The following HDLBP variants were observed in gnomAD, a reference collection of about 807,000 sequenced individuals.
The protein encoded by HDLBP is vigilin.
In HDLBP, 30 loss-of-function variants were observed where a neutral mutation model predicts 137.3. The observed-to-expected ratio is 0.22, with a 90% CI of 0.16 to 0.30. The LOEUF (loss-of-function observed/expected upper bound fraction) is 0.30. Among genes scored for constraint, HDLBP ranks in the 10% least tolerant of loss-of-function variants. HDLBP has a pLI of 1.00. For missense variants in HDLBP, 1,119 were observed against 1,667.3 expected (o/e 0.67, Z 5.73); for synonymous variants, 606 against 596.0 (o/e 1.02, Z -0.24).
intron 1 of HDLBP, among the ~76,000 whole-genome samples, chr2:241,281,569 A>G (rs991034939): frequency 1.2e-4 from 18 of 152,150 alleles, no homozygotes; most frequent in African/African-American, 4.3e-4. Context: ...AAAAGAATAA[A>G]TTGATGGATT....
chr2:241,236,986 G>A (rs200421874), intron 20 of HDLBP, among the ~76,000 whole-genome samples: 48 of 150,478 alleles, frequency 3.2e-4, no homozygotes, highest in South Asian at 2.8e-3. Context: ...TTGGGGGGGG[G>A]GGGGGGGGCG....
At position 241,240,204 on chromosome 2, in the gene HDLBP, G is replaced by C. The variant is rs1345265900; in HGVS notation, c.2170-82C>G. 7 of 1,319,534 alleles carry C rather than the reference G, an allele frequency of 5.3e-6. No individual in the cohort carries two copies. The highest frequency in any genetic ancestry group is 3.7e-4 in the Middle Eastern group (2 of 5,368). 81.7% of individuals were successfully genotyped at this position (1,319,534 alleles called of 1,614,324 possible). Reference sequence around the variant, plus strand: ...GGAAGACAAGAGGGTCTGTAGGACAGCAAGCTCGGGCTCCCCTTACATTGT... The same window carrying C: ...GGAAGACAAGAGGGTCTGTAGGACACCAAGCTCGGGCTCCCCTTACATTGT... On this transcript the variant is annotated intron_variant, in intron 17 of 27. Coordinates refer to ENST00000310931, the MANE Select transcript of HDLBP (RefSeq NM_005336.6). The surrounding 1 kb of genome is among the most constrained non-coding windows in gnomAD (Gnocchi z 5.5).
chr2:241,245,110 T>C (rs1296766547), intron 16 of HDLBP, among the ~76,000 whole-genome samples: 3 of 152,096 alleles, frequency 2.0e-5, no homozygotes, highest in Admixed American at 6.5e-5. Flanking sequence ...GTTAAACATA[T>C]GTAATAAATA....
chr2:241,267,972 A>G (rs868215232), intron 2 of HDLBP: 39 of 983,400 alleles, frequency 4.0e-5, no homozygotes, highest in Admixed American at 6.3e-5. Context: ...TGAGGTAGGA[A>G]TGTTAGCTTC....
chr2:241,300,106 A>G (rs1441415749), intron 1 of HDLBP, among the ~76,000 whole-genome samples: 4 of 152,078 alleles, frequency 2.6e-5, no homozygotes, highest in African/African-American at 9.7e-5. Context: ...GAGAAAGTAG[A>G]TTTTTAAACC....
chr2:241,251,687 A>G (rs2072193756), intron 11 of HDLBP, among the ~76,000 whole-genome samples: 2 of 152,208 alleles, frequency 1.3e-5, no homozygotes, highest in Non-Finnish European at 2.9e-5. Flanking sequence ...GTAAAAAAAC[A>G]TTCTTGGTTG....
chr2:241,239,378 T>C lies in HDLBP; in HGVS notation c.2610+224A>G, dbSNP rs537850332. Among the ~76,000 whole-genome samples, 47 of 149,466 alleles carry C rather than the reference T, an allele frequency of 3.1e-4. 1 individual carries two copies. The highest frequency in any genetic ancestry group is 4.3e-4 in the Non-Finnish European group (29 of 67,122). On this transcript the variant is annotated intron_variant, in intron 19 of 27. Coordinates refer to ENST00000310931, the MANE Select transcript of HDLBP (RefSeq NM_005336.6). The surrounding 1 kb of genome is among the most constrained non-coding windows in gnomAD (Gnocchi z 4.6). ...TCTCCTCTTCTCCTTCTCTCTCTCT[T>C]TTTTTTTTTAAGTGCTTCTCGCAGG...
At chr2:241,283,597 C>G (rs529884226) in intron 1 of HDLBP, among the ~76,000 whole-genome samples, 1 of 152,142 alleles carries the variant, frequency 6.6e-6, no homozygotes, top group African/African-American at 2.4e-5. Context: ...GCCTCAGCCT[C>G]CCGAGTAGCT....
At chr2:241,302,977 G>T (rs907360251) in intron 1 of HDLBP, among the ~76,000 whole-genome samples, 4 of 152,164 alleles carry the variant, frequency 2.6e-5, no homozygotes, top group African/African-American at 9.7e-5. Flanking sequence ...AATGCCCAAC[G>T]ACTTAACTCT....
At chr2:241,250,261 C>G in intron 11 of HDLBP, 1 of 299,896 alleles carries the variant, frequency 3.3e-6, no homozygotes, top group Non-Finnish European at 6.2e-6. Flanking sequence ...TGGGGCCACT[C>G]AGTCTGGGAT....
In HDLBP at chr2:241,230,979, C is replaced by G. The variant is rs183248677; in HGVS notation, c.3289-35G>C. The G allele has an allele frequency of 3.0e-4, 475 of 1,583,552 alleles. No homozygotes were observed. Among genetic ancestry groups the G allele is most frequent in the Non-Finnish European group, 4.0e-4 (461 of 1,153,858 alleles). On this transcript the variant is annotated intron_variant, in intron 24 of 27. Coordinates refer to ENST00000310931, the MANE Select transcript of HDLBP (RefSeq NM_005336.6). This position sits in a 1 kb window ranked among gnomAD's most constrained non-coding sequence, Gnocchi z 5.0. Reference sequence around the variant, plus strand: ...GAGAATGTAGTCAGAAAAGGGGATGCCTTACTGGGATTCCCGTCAGGGGCA... The same window carrying G: ...GAGAATGTAGTCAGAAAAGGGGATGGCTTACTGGGATTCCCGTCAGGGGCA...
intron 1 of HDLBP, among the ~76,000 whole-genome samples, chr2:241,280,254 A>G (rs6733962): frequency 0.32 from 48,838 of 152,142 alleles, 8,563 homozygotes; most frequent in East Asian, 0.51. Context: ...CTAATTTTAT[A>G]ATTAAGCTTA....
rs2071113474 is a variant in HDLBP, at chr2:241,240,642, C to T, written c.2170-520G>A. Among the ~76,000 whole-genome samples the T allele has an allele frequency of 6.6e-6, 1 of 152,180 alleles. No individual in the cohort carries two copies. Among genetic ancestry groups the T allele is most frequent in the Non-Finnish European group, 1.5e-5 (1 of 68,028 alleles). On this transcript the variant is annotated intron_variant, in intron 17 of 27. Transcript: ENST00000310931. The surrounding 1 kb of genome is among the most constrained non-coding windows in gnomAD (Gnocchi z 5.5). The stretch of plus-strand genomic sequence containing the variant: ...TGCTACAGATCAGCCTCCACAAAAC[C>T]AGCCACTCCCCAGGCTCAAGCTCAA...
chr2:241,294,041 A>G (rs62186406), intron 1 of HDLBP, among the ~76,000 whole-genome samples: 48,286 of 152,140 alleles, frequency 0.32, 8,400 homozygotes, highest in East Asian at 0.51. Context: ...AAAAGAAAAG[A>G]ACACACACCC....
chr2:241,307,892 G>A (rs954864665), intron 1 of HDLBP, among the ~76,000 whole-genome samples: 17 of 146,378 alleles, frequency 1.2e-4, no homozygotes, highest in Non-Finnish European at 1.0e-4. Context: ...TTTTTTTTGC[G>A]ATTATAAACA....
chr2:241,312,426 C>G (rs914475803), intron 1 of HDLBP, among the ~76,000 whole-genome samples: 2 of 152,112 alleles, frequency 1.3e-5, no homozygotes, highest in Non-Finnish European at 2.9e-5. Context: ...AAATATTATA[C>G]ACATGAAAAA....
intron 20 of HDLBP, among the ~76,000 whole-genome samples, chr2:241,237,849 C>T (rs900811193): frequency 5.3e-5 from 8 of 152,260 alleles, no homozygotes; most frequent in African/African-American, 1.2e-4. Flanking sequence ...AAAACATAGA[C>T]AGAGTGCAGT....
At chr2:241,253,304 T>C (rs1340233426) in intron 10 of HDLBP, 89 bp downstream of exon 10, 2 of 891,280 alleles carry the variant, frequency 2.2e-6, no homozygotes, top group African/African-American at 1.6e-5. Flanking sequence ...TGCCCGGACA[T>C]GTGGGATGTC....
At chr2:241,246,978 C>T in intron 15 of HDLBP, 78 bp downstream of exon 15, 1 of 1,575,472 alleles carries the variant, frequency 6.3e-7, no homozygotes, top group Non-Finnish European at 8.7e-7. Context: ...AAGAGTCCCT[C>T]CTAGTCTAAA....
Sources: allele counts gnomAD v4.1 joint callset (sites outside exome capture counted in the v4.1 genomes callset), GRCh38; gene constraint gnomAD v4.1.1; non-coding constraint Gnocchi (gnomAD v3.1); transcripts MANE v1.5; gene names NCBI Gene and HGNC (gene_info 2026-07-23, HGNC 2026-07-21).